RAPGEF2: variants seen among roughly 807,000 people sequenced by gnomAD.
RAPGEF2 encodes PDZ domain containing guanine nucleotide exchange factor (GEF) 1.
A neutral mutation model predicts 186.7 loss-of-function variants in RAPGEF2; 54 were observed. The ratio of observed to expected loss-of-function variants is 0.29; its 90% CI spans 0.23 to 0.36. The LOEUF (loss-of-function observed/expected upper bound fraction) is 0.36, where lower values mean the gene tolerates loss of function less well. Among genes scored for constraint, RAPGEF2 ranks in the 10% least tolerant of loss-of-function variants. RAPGEF2 has a pLI of 1.00. For missense variants in RAPGEF2, 1,532 were observed against 2,045.0 expected, an observed-to-expected ratio of 0.75 and a Z score of 4.84; for synonymous variants, 712 against 705.9, an observed-to-expected ratio of 1.01 and a Z score of -0.14.
At chr4:159,198,308 TTCTTTCTTTC>T (rs1748985962) in intron 3 of RAPGEF2, among the ~76,000 whole-genome samples, 1 of 73,770 alleles carries the variant, frequency 1.4e-5, no homozygotes, top group African/African-American at 1.2e-4. Flanking sequence ...CTTTCTTTCT[TTCTTTCTTTC>T]TTTCTTTCTT....
At chr4:159,351,221 G>A in intron 26 of RAPGEF2, 1 of 1,511,312 alleles carries the variant, frequency 6.6e-7, no homozygotes, top group Non-Finnish European at 8.9e-7. Flanking sequence ...GGAAAGAGAG[G>A]AATCATCTCA....
rs764882066 is a variant in RAPGEF2, at chr4:159,338,378, A to G, written c.2203A>G (p.Thr735Ala). Residue 735 changes from threonine (T) to alanine (A), a missense_variant, in exon 18 of 30, where the codon ACT becomes GCT. Physicochemically the swap from Thr to Ala is moderately conservative, Grantham distance 58. Around this residue, in one of 4 missense-constraint regions of RAPGEF2, gnomAD observed 810 missense variants for 1,210.5 expected, o/e 0.67. Coordinates refer to ENST00000691494, the MANE Select transcript of RAPGEF2 (RefSeq NM_001394067.2). Reference protein sequence around the residue: ...VGLRQTKHIPTALPVSGTLSS... With the variant: ...VGLRQTKHIPAALPVSGTLSS... ...ATTAAGGCAGACAAAGCACATCCCA[A>G]CTGCATTGCCTGTCAGTGGAACCTT... The G allele has an allele frequency of 3.1e-6, 5 of 1,613,976 alleles. No homozygotes were observed. The highest frequency in any genetic ancestry group is 1.7e-5 in the Admixed American group (1 of 60,012).
chr4:159,298,998 T>A (rs1373975731), intron 7 of RAPGEF2, among the ~76,000 whole-genome samples: 1 of 152,070 alleles, frequency 6.6e-6, no homozygotes, highest in Admixed American at 6.5e-5. Flanking sequence ...TACAAATACC[T>A]CAGAGAAAAA....
At chr4:159,129,151 T>C (rs1740722382) in intron 1 of RAPGEF2, among the ~76,000 whole-genome samples, 1 of 151,896 alleles carries the variant, frequency 6.6e-6, no homozygotes, top group Non-Finnish European at 1.5e-5. Flanking sequence ...AGAATAAGAA[T>C]CTTGAATAGA....
chr4:159,296,503 T>C lies in RAPGEF2; in HGVS notation c.544-7839T>C, dbSNP rs147319983. 6.1e-4 allele frequency among the ~76,000 whole-genome samples: 93 copies of C among 152,380 alleles called. 1 individual carries two copies. Among genetic ancestry groups the C allele is most frequent in the Admixed American group, 1.0e-3 (16 of 15,312 alleles). ...TATATTTAAGTTTAATGCTTAAGTG[T>C]GTGCTCCCTAGCCGTTCATCTGGGG... On this transcript the variant is annotated intron_variant, in intron 7 of 29. Coordinates refer to ENST00000691494, the MANE Select transcript of RAPGEF2 (RefSeq NM_001394067.2).
chr4:159,109,814 C>T (rs954498063), intron 1 of RAPGEF2, among the ~76,000 whole-genome samples: 1 of 152,130 alleles, frequency 6.6e-6, no homozygotes, highest in African/African-American at 2.4e-5. Context: ...GAGTAGCACA[C>T]CTGGTAAGAC....
At chr4:159,340,920 C>T (rs1229501895) in intron 19 of RAPGEF2, among the ~76,000 whole-genome samples, 1 of 152,186 alleles carries the variant, frequency 6.6e-6, no homozygotes, top group Non-Finnish European at 1.5e-5. Context: ...AACTAGTCAA[C>T]CTTTAGGAGC....
At chr4:159,173,002 A>C (rs1746073255) in intron 1 of RAPGEF2, among the ~76,000 whole-genome samples, 1 of 152,136 alleles carries the variant, frequency 6.6e-6, no homozygotes, top group South Asian at 2.1e-4. Flanking sequence ...ACAGACCTAA[A>C]ATTTCTTTAG....
chr4:159,170,873 T>C (rs1041507807), intron 1 of RAPGEF2, among the ~76,000 whole-genome samples: 4 of 152,204 alleles, frequency 2.6e-5, no homozygotes, highest in African/African-American at 7.2e-5. Flanking sequence ...GTTTATTTTG[T>C]GTATGGTATT....
In RAPGEF2 at chr4:159,314,845, CAAGACTAG is replaced by C. The variant is rs539677736; in HGVS notation, c.853+78_853+85del. 2.4e-4 allele frequency: 310 copies of C among 1,305,928 alleles called. 2 individuals carry two copies. The East Asian group carries it at 6.2e-3, about 26-fold the overall frequency. 80.9% of individuals were successfully genotyped at this position (1,305,928 alleles called of 1,614,324 possible). A position where few individuals can be genotyped will look rare whatever the true frequency, so the allele number is the denominator to read the frequency against. On this transcript the variant is annotated intron_variant, in intron 9 of 29. Transcript: ENST00000691494. ...CAAAATTGTCTGATGAAATAGAGCC[CAAGACTAG>C]TAGGCTTTAAAAACTCATTAATTTA... is the stretch of plus-strand genomic sequence containing the variant.
At chr4:159,255,015 C>T (rs946389366) in intron 7 of RAPGEF2, among the ~76,000 whole-genome samples, 3 of 152,170 alleles carry the variant, frequency 2.0e-5, no homozygotes, top group South Asian at 2.1e-4. Context: ...GTAGCTTTTC[C>T]GTGTTTAGGT....
intron 1 of RAPGEF2, among the ~76,000 whole-genome samples, chr4:159,135,137 A>G (rs1741581599): frequency 6.6e-6 from 1 of 152,000 alleles, no homozygotes; most frequent in African/African-American, 2.4e-5. Flanking sequence ...TTGATCTTCC[A>G]GGCTCAAGTG....
At chr4:159,214,145 A>G (rs1175081371) in intron 4 of RAPGEF2, among the ~76,000 whole-genome samples, 1 of 152,176 alleles carries the variant, frequency 6.6e-6, no homozygotes, top group East Asian at 1.9e-4. Context: ...GAGAGAGAAT[A>G]TTTGCCATAG....
rs541264670 is a variant in RAPGEF2, at chr4:159,347,700, C to T, written c.3712+702C>T. Among the ~76,000 whole-genome samples the T allele has an allele frequency of 1.1e-3, 171 of 152,274 alleles. 1 individual carries two copies. The highest frequency in any genetic ancestry group is 3.8e-3 in the African/African-American group (159 of 41,552). The stretch of plus-strand genomic sequence containing the variant: ...TCGGGAGGCCGAGGCAGGAGAATGG[C>T]GTGAACCCGGGAGGGGGAGCTTGCA... On this transcript the variant is annotated intron_variant, in intron 25 of 29. Coordinates refer to ENST00000691494, the MANE Select transcript of RAPGEF2 (RefSeq NM_001394067.2).
intron 7 of RAPGEF2, among the ~76,000 whole-genome samples, chr4:159,289,206 G>A (rs1206946731): frequency 2.0e-5 from 3 of 152,148 alleles, no homozygotes; most frequent in Admixed American, 2.0e-4. Context: ...TGACCGGCTT[G>A]TTACAGGATG....
At position 159,214,926 on chromosome 4, in the gene RAPGEF2, A is replaced by C. The variant is rs183110665; in HGVS notation, c.281+4343A>C. Among the ~76,000 whole-genome samples, 365 of 152,292 alleles carry C rather than the reference A, an allele frequency of 2.4e-3. 2 individuals are homozygous for C. The highest frequency in any genetic ancestry group is 2.6e-3 in the Non-Finnish European group (174 of 68,016). On this transcript the variant is annotated intron_variant, in intron 4 of 29. Coordinates refer to ENST00000691494, the MANE Select transcript of RAPGEF2 (RefSeq NM_001394067.2). ...TGTCCAGGCTGGAGTGTAGTGGCACAATCTCAGCTCACTGCAGCCTCCGCC... is the reference window on the plus strand; with the variant it reads ...TGTCCAGGCTGGAGTGTAGTGGCACCATCTCAGCTCACTGCAGCCTCCGCC...
chr4:159,320,403 A>G (rs1579925357), intron 9 of RAPGEF2, among the ~76,000 whole-genome samples: 1 of 152,194 alleles, frequency 6.6e-6, no homozygotes, highest in Non-Finnish European at 1.5e-5. Flanking sequence ...TCCAGAAATA[A>G]AAGTTTCATG....
At chr4:159,201,268 A>G (rs1749379971) in intron 3 of RAPGEF2, among the ~76,000 whole-genome samples, 1 of 152,230 alleles carries the variant, frequency 6.6e-6, no homozygotes, top group South Asian at 2.1e-4. Flanking sequence ...GATGTAATGT[A>G]TTTGTGAAAA....
At chr4:159,221,175 C>T (rs956350386) in intron 4 of RAPGEF2, among the ~76,000 whole-genome samples, 1 of 152,112 alleles carries the variant, frequency 6.6e-6, no homozygotes, top group Non-Finnish European at 1.5e-5. Flanking sequence ...ACAGTAGGAC[C>T]CAATTTTTCT....
Sources: allele counts gnomAD v4.1 joint callset (sites outside exome capture counted in the v4.1 genomes callset), GRCh38; gene constraint gnomAD v4.1.1; regional missense constraint gnomAD v4.1.1; transcripts MANE v1.5; gene names NCBI Gene and HGNC (gene_info 2026-07-23, HGNC 2026-07-21).